Variants in GABBR2 observed in about 807,000 individuals in gnomAD.
The protein encoded by GABBR2 is G-protein coupled receptor 51.
A neutral mutation model predicts 105.6 loss-of-function variants in GABBR2; 23 were observed. The ratio of observed to expected loss-of-function variants is 0.22; its 90% CI spans 0.16 to 0.31. GABBR2 has a LOEUF of 0.31. Ranked by LOEUF, GABBR2 falls within the 10% of genes least tolerant of loss-of-function variation. The pLI is 1.00. For missense variants in GABBR2, 734 were observed against 1,245.5 expected (o/e 0.59, Z 6.18); for synonymous variants, 478 against 499.7 (o/e 0.96, Z 0.58).
At chr9:98,603,359 A>G (rs1163652567) in intron 1 of GABBR2, among the ~76,000 whole-genome samples, 2 of 152,232 alleles carry the variant, frequency 1.3e-5, no homozygotes, top group Non-Finnish European at 2.9e-5. Flanking sequence ...CTCAATGGCC[A>G]AGGTTCATTC....
intron 13 of GABBR2, among the ~76,000 whole-genome samples, chr9:98,325,056 A>C (rs772853669): frequency 1.3e-5 from 2 of 152,060 alleles, no homozygotes; most frequent in Non-Finnish European, 2.9e-5. Flanking sequence ...TCTCTTCCTT[A>C]GGGTACAGTC....
At chr9:98,653,096 A>C (rs1054749619) in intron 1 of GABBR2, among the ~76,000 whole-genome samples, 2 of 152,222 alleles carry the variant, frequency 1.3e-5, no homozygotes, top group African/African-American at 4.8e-5. Flanking sequence ...TCCTGGGCTC[A>C]AGCAATCCCA....
intron 12 of GABBR2, among the ~76,000 whole-genome samples, chr9:98,363,903 C>G (rs766437166): frequency 4.7e-4 from 71 of 152,076 alleles, no homozygotes; most frequent in Admixed American, 1.3e-3. Context: ...CCCTCACTCT[C>G]CAGAAAAGCT....
intron 1 of GABBR2, among the ~76,000 whole-genome samples, chr9:98,613,624 C>T (rs751295552): frequency 6.6e-6 from 1 of 152,206 alleles, no homozygotes; most frequent in Non-Finnish European, 1.5e-5. Context: ...GGACAGCAGA[C>T]ATCTCTTCAG....
At chr9:98,413,342 AAGG>A (rs1245631985) in intron 7 of GABBR2, among the ~76,000 whole-genome samples, 2 of 152,182 alleles carry the variant, frequency 1.3e-5, no homozygotes, top group Non-Finnish European at 2.9e-5. Flanking sequence ...CACAGGCTTG[AAGG>A]AGAAGGTGCC....
chr9:98,501,634 A>G (rs969182820), intron 3 of GABBR2, among the ~76,000 whole-genome samples: 1 of 152,128 alleles, frequency 6.6e-6, no homozygotes, highest in Non-Finnish European at 1.5e-5. Flanking sequence ...ATGATTGATA[A>G]TCTAGGACAG....
chr9:98,513,959 T>C (rs1003382467), intron 3 of GABBR2, among the ~76,000 whole-genome samples: 1 of 152,178 alleles, frequency 6.6e-6, no homozygotes, highest in Non-Finnish European at 1.5e-5. Flanking sequence ...CATGCACACA[T>C]GTGTTTATTG....
At chr9:98,357,681 CAA>C (rs869090343) in intron 13 of GABBR2, among the ~76,000 whole-genome samples, 4 of 53,400 alleles carry the variant, frequency 7.5e-5, no homozygotes, top group Admixed American at 4.5e-4. Context: ...AAAACAACAA[CAA>C]AAAAAAAAAC....
intron 3 of GABBR2, among the ~76,000 whole-genome samples, chr9:98,521,301 A>G (rs1291494497): frequency 6.6e-6 from 1 of 152,172 alleles, no homozygotes; most frequent in Non-Finnish European, 1.5e-5. Context: ...CTCCTTCCTG[A>G]GAAAGTAGTG....
intron 7 of GABBR2, among the ~76,000 whole-genome samples, chr9:98,436,022 C>T (rs958809087): frequency 6.6e-5 from 10 of 151,774 alleles, no homozygotes; most frequent in African/African-American, 1.9e-4. Context: ...CACATCTGCC[C>T]TGCTCACAGT....
intron 6 of GABBR2, among the ~76,000 whole-genome samples, chr9:98,472,440 C>T (rs1826702855): frequency 6.6e-6 from 1 of 152,214 alleles, no homozygotes; most frequent in South Asian, 2.1e-4. Context: ...TGTCCAAGGT[C>T]CTGCTCACAG....
chr9:98,620,676 G>A (rs932431195), intron 1 of GABBR2, among the ~76,000 whole-genome samples: 10 of 152,162 alleles, frequency 6.6e-5, no homozygotes, highest in Admixed American at 1.3e-4. Flanking sequence ...TTGAGGCATT[G>A]GGTCCGGGTA....
At chr9:98,637,585 T>G (rs1829897733) in intron 1 of GABBR2, among the ~76,000 whole-genome samples, 1 of 151,900 alleles carries the variant, frequency 6.6e-6, no homozygotes, top group Non-Finnish European at 1.5e-5. Context: ...TCCTTAAAAG[T>G]GGAACAGGGA....
intron 4 of GABBR2, among the ~76,000 whole-genome samples, chr9:98,489,804 CCT>C (rs1374127995): frequency 6.6e-6 from 1 of 152,128 alleles, no homozygotes; most frequent in Non-Finnish European, 1.5e-5. Flanking sequence ...TTCAAAAGCC[CCT>C]GTTATGCTTG....
At chr9:98,523,099 C>T (rs1827896827) in intron 3 of GABBR2, among the ~76,000 whole-genome samples, 1 of 152,024 alleles carries the variant, frequency 6.6e-6, no homozygotes, top group East Asian at 1.9e-4. Flanking sequence ...AGGATTTCAT[C>T]AAAGCTGTAA....
chr9:98,541,731 G>A, intron 3 of GABBR2, 142 bp downstream of exon 3: 1 of 687,360 alleles, frequency 1.5e-6, no homozygotes. Flanking sequence ...TTTTGTCAAC[G>A]GTGAAACAGC....
chr9:98,461,722 G>T (rs1484496189), intron 6 of GABBR2, among the ~76,000 whole-genome samples: 1 of 152,184 alleles, frequency 6.6e-6, no homozygotes, highest in Non-Finnish European at 1.5e-5. Flanking sequence ...AAGAAAGGAG[G>T]CTTAATTGGC....
intron 13 of GABBR2, among the ~76,000 whole-genome samples, chr9:98,359,322 GGAGGCTGAGGCAT>G (rs1300948701): frequency 6.6e-6 from 1 of 152,080 alleles, no homozygotes; most frequent in Non-Finnish European, 1.5e-5. Flanking sequence ...CAGCTACTTG[GGAGGCTGAGGCAT>G]GAGAATCACT....
chr9:98,543,267 G>A (rs1032507541), intron 2 of GABBR2, among the ~76,000 whole-genome samples: 1 of 151,974 alleles, frequency 6.6e-6, no homozygotes, highest in Non-Finnish European at 1.5e-5. Flanking sequence ...CAGTATGATG[G>A]TGAAAAGATG....
Sources: gnomAD v4.1 joint callset for allele counts (sites outside exome capture counted in the v4.1 genomes callset) on GRCh38, gnomAD v4.1.1 for gene constraint, MANE v1.5 for transcripts, NCBI Gene and HGNC (gene_info 2026-07-23, HGNC 2026-07-21) for gene names.